The following LZTS2 variants were observed in gnomAD, a reference collection of about 807,000 sequenced individuals.
The protein encoded by LZTS2 is leucine zipper putative tumor suppressor 2.
A neutral mutation model predicts 60.6 loss-of-function variants in LZTS2; 32 were observed. That is an observed-to-expected ratio of 0.53 (90% CI 0.40 to 0.71). The LOEUF (loss-of-function observed/expected upper bound fraction) is 0.71, where lower values mean the gene tolerates loss of function less well. LZTS2 is among the 30% of genes least tolerant of loss of function. LZTS2 has a pLI of 0.00. For synonymous variants in LZTS2, 360 were observed against 393.1 expected, an observed-to-expected ratio of 0.92 and a Z score of 1.00; for missense variants, 792 against 901.9, an observed-to-expected ratio of 0.88 and a Z score of 1.56.
At chr10:101,003,476 A>T in intron 1 of LZTS2, 31 bp from the exon 3 acceptor site, 1 of 1,511,348 alleles carries the variant, frequency 6.6e-7, no homozygotes, top group Non-Finnish European at 8.8e-7. Flanking sequence ...TGGGCAGCTC[A>T]TCTCCAGTGT....
exon 1 of LZTS2, chr10:101,000,375 G>A (rs1852009097): frequency 6.6e-6 from 1 of 152,210 alleles, no homozygotes; most frequent in Non-Finnish European, 1.5e-5. Context: ...CTTCTCTTTC[G>A]GGCTCCAAGA....
exon 1 of LZTS2, chr10:101,002,300 C>T (rs1350336733): frequency 2.5e-6 from 1 of 404,072 alleles, no homozygotes; most frequent in Middle Eastern, 6.1e-4. Context: ...GAATTCACTC[C>T]TCAGCCCTGT....
upstream of LZTS2, among the ~76,000 whole-genome samples, chr10:100,998,186 C>T (rs1202084774): frequency 1.3e-5 from 2 of 152,192 alleles, no homozygotes; most frequent in Non-Finnish European, 2.9e-5. Flanking sequence ...ACGAGCCCCT[C>T]CCCCCAGGGA....
upstream of LZTS2, chr10:100,998,324 A>AG (rs1402701899): frequency 2.0e-5 from 3 of 152,996 alleles, no homozygotes; most frequent in Non-Finnish European, 4.4e-5. Flanking sequence ...TCGGTGCCCC[A>AG]GGAGGCAGGG....
chr10:101,003,947 C>A (rs1195274893), exon 2 of LZTS2: 1 of 1,611,606 alleles, frequency 6.2e-7, no homozygotes, highest in Non-Finnish European at 8.5e-7. Context: ...AGAGCACAGG[C>A]TCCCTAGGGG....
upstream of LZTS2, chr10:100,997,319 C>G (rs1851936975): frequency 6.6e-6 from 1 of 152,138 alleles, no homozygotes; most frequent in Non-Finnish European, 1.5e-5. Context: ...TCTAGGGAAG[C>G]TAGGGGTTGG....
chr10:100,999,749 CCGCCCACTCGCACCGGGCGGGGG>C (rs1564814992), exon 1 of LZTS2: 2 of 151,514 alleles, frequency 1.3e-5, no homozygotes, highest in African/African-American at 2.4e-5. Flanking sequence ...CTGCGCGGTG[CCGCCCACTCGCACCGGGCGGGGG>C]CTGGCCAGGG....
rs370440218 is a variant in LZTS2, at chr10:101,006,660, C to A, written c.1502C>A (p.Ala501Asp). The A allele has an allele frequency of 1.7e-4, 274 of 1,588,136 alleles. No homozygotes were observed. The highest frequency in any genetic ancestry group is 2.5e-4 in the South Asian group (22 of 88,806). The stretch of plus-strand genomic sequence containing the variant: ...CGGGGTCTACAGGAGGCCGCCCGAG[C>A]TCGGGAGCTGGAGCTGGAAGCCTGT... Residue 501 changes from alanine (A) to aspartate (D), a missense_variant, in exon 4 of 4, where the codon GCT (alanine) becomes GAT (aspartate). Transcript: ENST00000370220.
chr10:101,001,893 G>A (rs749455111), exon 1 of LZTS2: 2 of 152,242 alleles, frequency 1.3e-5, no homozygotes, highest in Non-Finnish European at 2.9e-5. Flanking sequence ...GGAGGCAGGA[G>A]ACCCCAAAGG....
At chr10:101,000,739 C>G (rs976337612) in exon 1 of LZTS2, 2 of 152,322 alleles carry the variant, frequency 1.3e-5, no homozygotes, top group Non-Finnish European at 2.9e-5. Flanking sequence ...CTGGAGTGGG[C>G]CCAGAGAGGG....
chr10:101,007,587 T>G, exon 4 of LZTS2: 1 of 1,291,708 alleles, frequency 7.7e-7, no homozygotes, highest in Non-Finnish European at 1.0e-6. Context: ...CTGCCCACAT[T>G]GGGGGACAGG....
chr10:101,000,187 C>T (rs1852005177), exon 1 of LZTS2: 1 of 152,324 alleles, frequency 6.6e-6, no homozygotes, highest in Non-Finnish European at 1.5e-5. Flanking sequence ...CTTTCCCCAA[C>T]TCTTCAGATC....
exon 4 of LZTS2, chr10:101,006,917 C>T (rs368056358): frequency 1.5e-4 from 237 of 1,530,348 alleles, no homozygotes; most frequent in African/African-American, 7.5e-4. Context: ...GCGGGAGCGG[C>T]GGCGGGGTGA....
chr10:101,005,818 C>A, intron 3 of LZTS2, 103 bp downstream of exon 4: 1 of 1,371,630 alleles, frequency 7.3e-7, no homozygotes, highest in Non-Finnish European at 9.6e-7. Context: ...CCCAGAGGTC[C>A]TCCCCTTTCT....
At chr10:101,007,275 A>C in exon 4 of LZTS2, 1 of 1,427,212 alleles carries the variant, frequency 7.0e-7, no homozygotes, top group Non-Finnish European at 9.1e-7. Context: ...AGGGCCCCAA[A>C]GCCACTTGTC....
chr10:101,002,199 G>T, exon 1 of LZTS2: 1 of 219,432 alleles, frequency 4.6e-6, no homozygotes, highest in Non-Finnish European at 8.9e-6. Context: ...TGTGGAGGAT[G>T]CAGGATTGGG....
At chr10:101,003,064 T>A in intron 1 of LZTS2, 118 bp downstream of exon 2, 1 of 1,264,762 alleles carries the variant, frequency 7.9e-7, no homozygotes, top group South Asian at 1.6e-5. Flanking sequence ...CAGACCTGGG[T>A]CCTAATCCCA....
At chr10:101,006,950 G>T (rs966661559) in exon 4 of LZTS2, 3 of 1,547,460 alleles carry the variant, frequency 1.9e-6, no homozygotes, top group Admixed American at 2.0e-5. Flanking sequence ...CAGCTTTGAG[G>T]GGGAGCGGCT....
At chr10:100,998,288 AGGCTGCCAGAAAGAGGAGGAGGCTCTC>A (rs961437551), upstream of LZTS2, 1 of 152,566 alleles carries the variant, frequency 6.6e-6, no homozygotes, top group African/African-American at 2.4e-5. Flanking sequence ...TGAGCTGGGC[AGGCTGCCAGAAAGAGGAGGAGGCTCTC>A]GGTGCCCCAG....
Sources: allele counts gnomAD v4.1 joint callset (sites outside exome capture counted in the v4.1 genomes callset), GRCh38; gene constraint gnomAD v4.1.1; transcripts MANE v1.5; gene names NCBI Gene and HGNC (gene_info 2026-07-23, HGNC 2026-07-21).